The following ZFHX3 variants were observed in gnomAD, a reference collection of about 807,000 sequenced individuals.
ZFHX3 encodes zinc finger homeobox protein 3.
ZFHX3 carries 42 observed loss-of-function variants against 279.1 expected under a neutral mutation model. The observed-to-expected ratio is 0.15, with a 90% CI of 0.12 to 0.19. ZFHX3 has a LOEUF of 0.19. ZFHX3 is among the 10% of genes least tolerant of loss of function. ZFHX3 has a pLI of 1.00. For missense variants in ZFHX3, 4,981 were observed against 4,754.0 expected, an observed-to-expected ratio of 1.05 and a Z score of -1.40; for synonymous variants, 2,293 against 1,957.8, an observed-to-expected ratio of 1.17 and a Z score of -4.52.
intron 4 of ZFHX3, among the ~76,000 whole-genome samples, chr16:73,263,376 TG>T (rs2013877588): frequency 6.6e-6 from 1 of 152,126 alleles, no homozygotes; most frequent in Non-Finnish European, 1.5e-5. Flanking sequence ...TTTTAAGAGA[TG>T]GGGGTCACAG....
chr16:73,102,379 G>A (rs1250528673), intron 7 of ZFHX3, among the ~76,000 whole-genome samples: 2 of 152,160 alleles, frequency 1.3e-5, no homozygotes, highest in Admixed American at 1.3e-4. Context: ...CTATGCATAT[G>A]CTTTTCTATT....
At chr16:73,678,824 T>C (rs777509528) in intron 2 of ZFHX3, among the ~76,000 whole-genome samples, 1 of 152,160 alleles carries the variant, frequency 6.6e-6, no homozygotes, top group Non-Finnish European at 1.5e-5. Flanking sequence ...AATCAGTCCA[T>C]ACCATTAGCA....
In ZFHX3 at chr16:73,502,917, G is replaced by T. The variant is rs115016412; in HGVS notation, c.-1546-46659C>A. ...AGTCTTGGCTCCTTGTAGCCTAAAA[G>T]TGCCTCCCTGATTCACCAACATGAT... is the stretch of plus-strand genomic sequence containing the variant. On this transcript the variant is annotated intron_variant, in intron 2 of 17. Coordinates refer to the ZFHX3 transcript ENST00000641206. Among the ~76,000 whole-genome samples, 1,067 of 152,328 alleles carry T rather than the reference G, an allele frequency of 7.0e-3. 23 individuals carry two copies. The highest frequency in any genetic ancestry group is 0.025 in the African/African-American group (1,023 of 41,572).
chr16:73,154,014 C>T (rs1352428990), intron 5 of ZFHX3, among the ~76,000 whole-genome samples: 1 of 152,156 alleles, frequency 6.6e-6, no homozygotes, highest in East Asian at 1.9e-4. Flanking sequence ...TCAAAACAAG[C>T]ATTCTTAACC....
intron 1 of ZFHX3, among the ~76,000 whole-genome samples, chr16:73,887,851 T>C (rs923372293): frequency 1.3e-5 from 2 of 151,876 alleles, no homozygotes; most frequent in Admixed American, 1.3e-4. Context: ...ACTTAAAATC[T>C]GAATTTTTTT....
chr16:73,035,542 A>G lies in ZFHX3; in HGVS notation c.-50+12210T>C, dbSNP rs550478840. Among the ~76,000 whole-genome samples, 17 of 152,360 alleles carry G rather than the reference A, an allele frequency of 1.1e-4. No individual in the cohort carries two copies. The South Asian group carries it at 3.5e-3, about 32-fold the overall frequency. ...CAACAACTCACTGCCAAACTCAAGTATAAACTAAGAAAAAATAAATCACTT... is the reference window on the plus strand; with the variant it reads ...CAACAACTCACTGCCAAACTCAAGTGTAAACTAAGAAAAAATAAATCACTT... On this transcript the variant is annotated intron_variant, in intron 1 of 9. Coordinates refer to ENST00000268489, the MANE Select transcript of ZFHX3 (RefSeq NM_006885.4).
intron 2 of ZFHX3, among the ~76,000 whole-genome samples, chr16:73,643,163 G>A (rs1203163630): frequency 6.6e-6 from 1 of 152,190 alleles, no homozygotes; most frequent in Admixed American, 6.5e-5. Flanking sequence ...ACAGTTTGAA[G>A]TCATTTGCAC....
At chr16:73,410,989 A>G (rs563674742) in intron 3 of ZFHX3, among the ~76,000 whole-genome samples, 14 of 152,306 alleles carry the variant, frequency 9.2e-5, no homozygotes, top group African/African-American at 2.9e-4. Flanking sequence ...CATCCCACCG[A>G]CATAGCACAG....
chr16:73,673,061 A>T (rs2052919826), intron 2 of ZFHX3, among the ~76,000 whole-genome samples: 1 of 152,214 alleles, frequency 6.6e-6, no homozygotes, highest in Non-Finnish European at 1.5e-5. Context: ...TTGGTGTGAC[A>T]CAGTTTTTAT....
At chr16:73,574,513 T>C (rs904384448) in intron 2 of ZFHX3, among the ~76,000 whole-genome samples, 5 of 152,168 alleles carry the variant, frequency 3.3e-5, no homozygotes, top group South Asian at 2.1e-4. Context: ...GACCAGGTAC[T>C]TGTACATTTA....
At chr16:73,066,246 G>C (rs1567656138) in intron 8 of ZFHX3, among the ~76,000 whole-genome samples, 1 of 151,090 alleles carries the variant, frequency 6.6e-6, no homozygotes, top group Non-Finnish European at 1.5e-5. Flanking sequence ...CGCCCTTCTC[G>C]TGTCTGCTCT....
intron 1 of ZFHX3, among the ~76,000 whole-genome samples, chr16:73,699,692 T>C (rs1050387568): frequency 6.6e-6 from 1 of 152,220 alleles, no homozygotes; most frequent in Non-Finnish European, 1.5e-5. Flanking sequence ...TTATTATTCC[T>C]ATTTTCACAG....
chr16:72,824,056 A>G (rs1012863621), intron 5 of ZFHX3, among the ~76,000 whole-genome samples: 2 of 152,252 alleles, frequency 1.3e-5, no homozygotes, highest in African/African-American at 2.4e-5. Context: ...ACAAAGCTGT[A>G]AACAACAGGG....
At chr16:73,431,348 C>T (rs914814337) in intron 3 of ZFHX3, among the ~76,000 whole-genome samples, 4 of 151,832 alleles carry the variant, frequency 2.6e-5, no homozygotes, top group African/African-American at 9.7e-5. Flanking sequence ...AAGACCAGCA[C>T]GATCAATATG....
At chr16:73,687,024 A>ATT (rs2053093597) in intron 1 of ZFHX3, among the ~76,000 whole-genome samples, 1 of 29,232 alleles carries the variant, frequency 3.4e-5, no homozygotes, top group Non-Finnish European at 6.4e-5. Context: ...ATATATATAT[A>ATT]TATATATATA....
rs1002017330 is a variant in ZFHX3, at chr16:72,783,190, GTTTTTTT to G, written c.*3967_*3973del. 6.7e-6 allele frequency: 1 copy of G among 149,180 alleles called. No homozygotes were observed. The highest frequency in any genetic ancestry group is 1.5e-5 in the Non-Finnish European group (1 of 66,986). 9.2% of individuals were successfully genotyped at this position (149,180 alleles called of 1,614,324 possible). ...TGCTCTATTTTTTTTGTTGTTTTTT[GTTTTTTT>G]TTCTTTTTGTACATTGCAAAGGCTG... On this transcript the variant is annotated 3_prime_UTR_variant, in exon 10 of 10. Transcript: ENST00000268489.
intron 2 of ZFHX3, among the ~76,000 whole-genome samples, chr16:73,562,110 T>C (rs2020377912): frequency 6.6e-6 from 1 of 152,160 alleles, no homozygotes; most frequent in African/African-American, 2.4e-5. Flanking sequence ...GTCTAGTCAA[T>C]GTATCTGCTG....
At position 73,347,007 on chromosome 16, in the gene ZFHX3, T is replaced by G. The variant is rs376860433; in HGVS notation, c.-1290-28671A>C. Among the ~76,000 whole-genome samples the G allele has an allele frequency of 9.8e-5, 15 of 152,298 alleles. No individual in the cohort carries two copies. In the East Asian group the frequency reaches 2.9e-3, roughly 29 times the overall value. On this transcript the variant is annotated intron_variant, in intron 3 of 17. Coordinates refer to the ZFHX3 transcript ENST00000641206. ...TTCCTGTGTTACAAGGGGAGGAAATTGAAGCTCAGAGCCATAAAATAACCA... is the reference window on the plus strand; with the variant it reads ...TTCCTGTGTTACAAGGGGAGGAAATGGAAGCTCAGAGCCATAAAATAACCA...
At chr16:73,156,338 T>TA (rs1967084914) in intron 5 of ZFHX3, among the ~76,000 whole-genome samples, 1 of 151,588 alleles carries the variant, frequency 6.6e-6, no homozygotes, top group South Asian at 2.1e-4. Context: ...TAGTTCCCAT[T>TA]AAAAAAAATG....
Sources: gnomAD v4.1 joint callset for allele counts (sites outside exome capture counted in the v4.1 genomes callset) on GRCh38, gnomAD v4.1.1 for gene constraint, MANE v1.5 for transcripts, NCBI Gene and HGNC (gene_info 2026-07-23, HGNC 2026-07-21) for gene names.